FGF13: variants seen among roughly 807,000 people sequenced by gnomAD.
FGF13 encodes the protein fibroblast growth factor homologous factor 2.
A neutral mutation model predicts 19.5 loss-of-function variants in FGF13; 2 were observed. That is an observed-to-expected ratio of 0.10 (90% CI 0.04 to 0.32). FGF13 has a LOEUF of 0.32. FGF13 is among the 10% of genes least tolerant of loss of function. FGF13 has a pLI of 1.00. For synonymous variants in FGF13, 72 were observed against 76.9 expected (o/e 0.94, Z 0.33); for missense variants, 113 against 192.7 (o/e 0.59, Z 2.45).
intron 1 of FGF13, among the ~76,000 whole-genome samples, chrX:139,063,961 T>C (rs1210063727): frequency 9.0e-6 from 1 of 111,478 alleles, no homozygotes; most frequent in East Asian, 2.8e-4. Context: ...CCAGTATGAC[T>C]GTGTACTCAT....
chrX:138,863,547 CA>C (rs2091300739), intron 2 of FGF13, among the ~76,000 whole-genome samples: 1 of 112,240 alleles, frequency 8.9e-6, no homozygotes, highest in Non-Finnish European at 1.9e-5. Flanking sequence ...AACCATGTCT[CA>C]GTCTCTTTTG....
At chrX:138,898,696 T>C (rs965818070) in intron 1 of FGF13, among the ~76,000 whole-genome samples, 1 of 111,396 alleles carries the variant, frequency 9.0e-6, no homozygotes, top group Non-Finnish European at 1.9e-5. Context: ...AAGGGGGAGA[T>C]TCGTGAGAGG....
At chrX:138,822,756 T>C in intron 3 of FGF13, among the ~76,000 whole-genome samples, 1 of 112,509 alleles carries the variant, frequency 8.9e-6, no homozygotes, top group Non-Finnish European at 1.9e-5. Context: ...AAACTGGCCA[T>C]GCAGTTCCTT....
At chrX:138,905,384 G>T (rs2091552197) in intron 1 of FGF13, among the ~76,000 whole-genome samples, 1 of 111,725 alleles carries the variant, frequency 9.0e-6, no homozygotes, top group Non-Finnish European at 1.9e-5. Flanking sequence ...TCTGACAATG[G>T]AATATACCAG....
At chrX:138,749,001 A>C (rs2090377041) in intron 3 of FGF13, among the ~76,000 whole-genome samples, 1 of 111,645 alleles carries the variant, frequency 9.0e-6, no homozygotes, top group African/African-American at 3.3e-5. Flanking sequence ...AGGAGGTTGC[A>C]GTGGGAAACA....
At chrX:138,849,778 G>T (rs952727646) in intron 3 of FGF13, among the ~76,000 whole-genome samples, 1 of 111,919 alleles carries the variant, frequency 8.9e-6, no homozygotes, top group Non-Finnish European at 1.9e-5. Flanking sequence ...TGATGTCTTG[G>T]CCTTGAAAGG....
At chrX:138,938,510 A>T (rs933819790) in intron 1 of FGF13, among the ~76,000 whole-genome samples, 1 of 111,213 alleles carries the variant, frequency 9.0e-6, no homozygotes, top group Admixed American at 9.6e-5. Flanking sequence ...TATAAAAGGA[A>T]GCCAGAGTGG....
At chrX:139,094,281 G>A (rs1419410539) in intron 1 of FGF13, among the ~76,000 whole-genome samples, 1 of 112,140 alleles carries the variant, frequency 8.9e-6, no homozygotes, top group Non-Finnish European at 1.9e-5. Flanking sequence ...GAACTATCAT[G>A]TAGTTCTAAA....
intron 3 of FGF13, among the ~76,000 whole-genome samples, chrX:138,788,509 T>C (rs916275267): frequency 6.2e-5 from 7 of 112,154 alleles, no homozygotes; most frequent in African/African-American, 1.9e-4. Context: ...TGTTTGACCT[T>C]TTGAAACTCA....
At position 139,044,403 on chromosome X, in the gene FGF13, G is replaced by T. The variant is rs374511521; in HGVS notation, c.-113+159013C>A. Reference sequence around the variant, plus strand: ...TGTGAGGTGCCACACACTTTTAAATGACAAGATCTCAAGGGAATTCTATCA... The same window carrying T: ...TGTGAGGTGCCACACACTTTTAAATTACAAGATCTCAAGGGAATTCTATCA... On this transcript the variant is annotated intron_variant, in intron 1 of 2. Coordinates refer to the FGF13 transcript ENST00000421460. Among the ~76,000 whole-genome samples the T allele has an allele frequency of 1.2e-4, 13 of 111,137 alleles. No homozygotes were observed. The East Asian group carries it at 3.7e-3, about 32-fold the overall frequency.
chrX:138,904,264 C>T (rs2091546390), intron 1 of FGF13, among the ~76,000 whole-genome samples: 1 of 111,254 alleles, frequency 9.0e-6, no homozygotes, highest in African/African-American at 3.3e-5. Context: ...TTTGCAACTC[C>T]CAGGATGACA....
At chrX:139,074,564 T>C (rs1304858947) in intron 1 of FGF13, among the ~76,000 whole-genome samples, 1 of 112,217 alleles carries the variant, frequency 8.9e-6, no homozygotes, top group Non-Finnish European at 1.9e-5. Flanking sequence ...GCTGCCTAAA[T>C]AGTCACCATG....
intron 3 of FGF13, among the ~76,000 whole-genome samples, chrX:138,825,413 C>T (rs1353713226): frequency 8.9e-6 from 1 of 112,109 alleles, no homozygotes; most frequent in East Asian, 2.8e-4. Flanking sequence ...GTACCTGGCA[C>T]ATAATAGTCG....
At chrX:138,939,642 C>T (rs944515918) in intron 1 of FGF13, among the ~76,000 whole-genome samples, 1 of 111,526 alleles carries the variant, frequency 9.0e-6, no homozygotes, top group Admixed American at 9.6e-5. Context: ...CATTGTTTAG[C>T]TCCCACTTAT....
chrX:138,627,362 G>A lies in FGF13; in HGVS notation c.*5488C>T, dbSNP rs892721178. 7 of 111,596 alleles carry A rather than the reference G, an allele frequency of 6.3e-5. No individual in the cohort carries two copies. Among genetic ancestry groups the A allele is most frequent in the African/African-American group, 2.3e-4 (7 of 30,651 alleles). The allele number at this position is 111,596 out of a possible 1,213,427, so 9.2% of individuals were successfully genotyped here. On this transcript the variant is annotated 3_prime_UTR_variant, in exon 5 of 5. Coordinates refer to ENST00000315930, the MANE Select transcript of FGF13 (RefSeq NM_004114.5). ...GCATTAAAAACAAATTATTAAGAGC[G>A]TACACATTATTACAGTACAAAATAT...
intron 3 of FGF13, among the ~76,000 whole-genome samples, chrX:138,785,970 ATTCT>A (rs1159573933): frequency 2.7e-5 from 3 of 111,979 alleles, no homozygotes; most frequent in Non-Finnish European, 5.6e-5. Context: ...ATCATGTTCA[ATTCT>A]TTCTAAGTCC....
Position 139,030,313 on chromosome X carries a change from C to T in FGF13, c.-112-165663G>A, listed in dbSNP as rs78980853. Among the ~76,000 whole-genome samples the T allele has an allele frequency of 5.4e-4, 60 of 111,187 alleles. No homozygotes were observed. The East Asian group carries it at 6.3e-3, about 12-fold the overall frequency. On this transcript the variant is annotated intron_variant, in intron 1 of 2. Transcript: ENST00000421460. ...CCTTAACGACTTGAGTAAATGGCAA[C>T]GAAAGCTGGCCTAATTACTAGGAAG...
At chrX:139,048,988 T>C (rs1324342614) in intron 1 of FGF13, among the ~76,000 whole-genome samples, 1 of 111,994 alleles carries the variant, frequency 8.9e-6, no homozygotes, top group Admixed American at 9.5e-5. Context: ...TTTCTGATTT[T>C]AATGAAAATG....
chrX:138,989,995 T>C (rs1289148511), intron 1 of FGF13, among the ~76,000 whole-genome samples: 1 of 112,126 alleles, frequency 8.9e-6, no homozygotes, highest in Non-Finnish European at 1.9e-5. Context: ...TTTAAAGGCT[T>C]TATAAAAACA....
Sources: gnomAD v4.1 joint callset for allele counts (sites outside exome capture counted in the v4.1 genomes callset) on GRCh38, gnomAD v4.1.1 for gene constraint, MANE v1.5 for transcripts, NCBI Gene and HGNC (gene_info 2026-07-23, HGNC 2026-07-21) for gene names.